PIK3CB: variants seen among roughly 807,000 people sequenced by gnomAD.
PIK3CB encodes phosphatidylinositol-4,5-bisphosphate 3-kinase catalytic subunit beta, also known as phosphatidylinositol 4,5-bisphosphate 3-kinase catalytic subunit beta isoform.
In PIK3CB, 39 loss-of-function variants were observed where a neutral mutation model predicts 136.8. The observed-to-expected ratio is 0.29, with a 90% CI of 0.22 to 0.37. PIK3CB has a LOEUF of 0.37. Ranked by LOEUF, PIK3CB falls within the 10% of genes least tolerant of loss-of-function variation. The pLI, the probability that PIK3CB is intolerant of heterozygous loss-of-function variation, is 1.00. For synonymous variants in PIK3CB, 428 were observed against 436.6 expected (o/e 0.98, Z 0.25); for missense variants, 868 against 1,275.4 (o/e 0.68, Z 4.87).
rs1934034603 is a variant in PIK3CB at position 138,831,438 on chromosome 3, TA to T, written c.-122+3256del. ...AGAAACCCCTAAAAATACAAAAAAT[TA>T]GCTGGGCGTGGTGGCGGGTGCCTGT... On this transcript the variant is annotated intron_variant, in intron 1 of 23. Coordinates refer to ENST00000674063, the MANE Select transcript of PIK3CB (RefSeq NM_006219.3). Among the ~76,000 whole-genome samples the T allele has an allele frequency of 3.4e-5, 5 of 148,074 alleles. No individual in the cohort carries two copies. The South Asian group carries it at 1.1e-3, about 32-fold the overall frequency.
Position 138,737,898 on chromosome 3 carries a change from G to C in PIK3CB, c.622-12C>G. The C allele has an allele frequency of 6.5e-7, 1 of 1,539,054 alleles. No individual in the cohort carries two copies. The highest frequency in any genetic ancestry group is 8.8e-7 in the Non-Finnish European group (1 of 1,133,180). ...AAGCTAAACACGTCCTGAAGGGGGA[G>C]GGAGATGGGGAAAAAAGCAGTAAAT... is the stretch of plus-strand genomic sequence containing the variant. On this transcript the variant is annotated splice_polypyrimidine_tract_variant and intron_variant, in intron 5 of 23. Transcript: ENST00000674063.
In PIK3CB at chr3:138,732,720, GA is replaced by G. The variant is rs68137286; in HGVS notation, c.1050+640del. Among the ~76,000 whole-genome samples the G allele has an allele frequency of 8.9e-3, 972 of 109,278 alleles. 7 individuals are homozygous for G. Among genetic ancestry groups the G allele is most frequent in the African/African-American group, 0.015 (424 of 28,886 alleles). 71.7% of individuals were successfully genotyped at this position (109,278 alleles called of 152,430 possible). A position where few individuals can be genotyped will look rare whatever the true frequency, so the allele number is the denominator to read the frequency against. Reference sequence around the variant, plus strand: ...GTGCTCAGTTTAAAAGGAAAGAAAAGAAAAAAAAAAAAAAAAAAGACTGAAA... The same window carrying G: ...GTGCTCAGTTTAAAAGGAAAGAAAAGAAAAAAAAAAAAAAAAAGACTGAAA... On this transcript the variant is annotated intron_variant, in intron 8 of 23. Transcript: ENST00000674063.
At chr3:138,750,036 C>T (rs2045437956) in intron 4 of PIK3CB, among the ~76,000 whole-genome samples, 1 of 152,072 alleles carries the variant, frequency 6.6e-6, no homozygotes. Context: ...CACCACCATG[C>T]CTGAGTAATT....
chr3:138,691,726 G>T (rs1252829019), intron 14 of PIK3CB, among the ~76,000 whole-genome samples: 1 of 152,088 alleles, frequency 6.6e-6, no homozygotes, highest in Non-Finnish European at 1.5e-5. Context: ...CCAGTCTCAG[G>T]TAATTCTTTA....
In PIK3CB at chr3:138,792,105, G is replaced by T. The variant is rs1238796153; in HGVS notation, c.-17+4358C>A. 5.9e-5 allele frequency among the ~76,000 whole-genome samples: 9 copies of T among 152,260 alleles called. No individual in the cohort carries two copies. In the South Asian group the frequency reaches 1.9e-3, roughly 32 times the overall value. ...AGCTACTCTGAAGGCTGAGGCAGGA[G>T]AATCGCTTGAACCAGGGAAGTGGAA... On this transcript the variant is annotated intron_variant, in intron 2 of 23. Transcript: ENST00000674063.
At chr3:138,778,635 G>C (rs967945253) in intron 2 of PIK3CB, 1 of 203,060 alleles carries the variant, frequency 4.9e-6, no homozygotes, top group Non-Finnish European at 1.0e-5. Context: ...AAGGCATCCT[G>C]GGCTACTCTG....
At chr3:138,656,425 G>A (rs189875414) in intron 22 of PIK3CB, 151 bp from the exon 23 acceptor site, 419 of 758,680 alleles carry the variant, frequency 5.5e-4, no homozygotes, top group Admixed American at 9.2e-4. Flanking sequence ...TTACTTCTGC[G>A]AAAATTGTCC....
chr3:138,826,286 G>A (rs1172945695), intron 1 of PIK3CB: 10 of 1,596,598 alleles, frequency 6.3e-6, no homozygotes, highest in Non-Finnish European at 7.6e-6. Context: ...GCTGGAGCTG[G>A]CAAGGTCACC....
At chr3:138,718,904 T>C (rs142471179) in intron 8 of PIK3CB, among the ~76,000 whole-genome samples, 1 of 152,350 alleles carries the variant, frequency 6.6e-6, no homozygotes, top group East Asian at 1.9e-4. Context: ...TTGGTCTATA[T>C]GCCTATTTTT....
At chr3:138,773,199 A>C (rs747882503) in intron 2 of PIK3CB, among the ~76,000 whole-genome samples, 1 of 152,006 alleles carries the variant, frequency 6.6e-6, no homozygotes, top group African/African-American at 2.4e-5. Flanking sequence ...TCAGGAGTTC[A>C]AGACCAGCCT....
At chr3:138,769,040 G>A (rs570733025) in intron 2 of PIK3CB, among the ~76,000 whole-genome samples, 6 of 152,176 alleles carry the variant, frequency 3.9e-5, no homozygotes, top group African/African-American at 4.8e-5. Context: ...CAGGAGGCCC[G>A]GGTCTGCACC....
intron 8 of PIK3CB, among the ~76,000 whole-genome samples, chr3:138,728,717 T>C (rs2108626108): frequency 6.6e-6 from 1 of 151,620 alleles, no homozygotes; most frequent in African/African-American, 2.4e-5. Context: ...GAGGGGGAGC[T>C]TGCAGTGAGC....
chr3:138,727,616 G>A (rs2044868581), intron 8 of PIK3CB, among the ~76,000 whole-genome samples: 1 of 152,200 alleles, frequency 6.6e-6, no homozygotes, highest in African/African-American at 2.4e-5. Context: ...TCAAAAAGGA[G>A]TGCAGCCAAA....
In PIK3CB at chr3:138,747,091, T is replaced by TAC. The variant is rs61360800; in HGVS notation, c.398-4311_398-4310insGT. Among the ~76,000 whole-genome samples the TAC allele has an allele frequency of 1.7e-3, 137 of 79,766 alleles. 2 individuals carry two copies. Among genetic ancestry groups the TAC allele is most frequent in the African/African-American group, 6.3e-3 (121 of 19,302 alleles). 52.3% of individuals were successfully genotyped at this position (79,766 alleles called of 152,430 possible). A position where few individuals can be genotyped will look rare whatever the true frequency, so the allele number is the denominator to read the frequency against. On this transcript the variant is annotated intron_variant, in intron 4 of 23. Coordinates refer to ENST00000674063, the MANE Select transcript of PIK3CB (RefSeq NM_006219.3). ...ATATATATATATATATATATATATA[T>TAC]ATATATATATATATATATATATGGC...
rs75935971 is a variant in PIK3CB at position 138,737,142 on chromosome 3, A to C, written c.801+565T>G. On this transcript the variant is annotated intron_variant, in intron 6 of 23. Coordinates refer to ENST00000674063, the MANE Select transcript of PIK3CB (RefSeq NM_006219.3). ...AGTGGCTTATGGCTGTAATCTCAGC[A>C]CTTGGAAAGGCCAAGCAAGTTGGGC... Among the ~76,000 whole-genome samples, 1,304 of 152,186 alleles carry C rather than the reference A, an allele frequency of 8.6e-3. 27 individuals are homozygous for C. The highest frequency in any genetic ancestry group is 0.028 in the African/African-American group (1,181 of 41,528).
intron 2 of PIK3CB, among the ~76,000 whole-genome samples, chr3:138,787,278 A>C (rs529846804): frequency 2.6e-5 from 4 of 151,332 alleles, no homozygotes; most frequent in African/African-American, 9.7e-5. Context: ...AGGCAGGAGA[A>C]TTGCTTGAAC....
intron 4 of PIK3CB, among the ~76,000 whole-genome samples, chr3:138,753,386 T>G (rs1294026800): frequency 6.6e-6 from 1 of 151,902 alleles, no homozygotes; most frequent in Non-Finnish European, 1.5e-5. Flanking sequence ...CTGGGCATGG[T>G]GGCAGGTGCC....
At chr3:138,814,963 C>T (rs1297323153) in intron 1 of PIK3CB, among the ~76,000 whole-genome samples, 1 of 151,664 alleles carries the variant, frequency 6.6e-6, no homozygotes, top group Non-Finnish European at 1.5e-5. Flanking sequence ...CGGTGAAACC[C>T]CGTCTCTACT....
chr3:138,732,895 G>C (rs1158714646), intron 8 of PIK3CB, among the ~76,000 whole-genome samples: 4 of 151,440 alleles, frequency 2.6e-5, no homozygotes, highest in Admixed American at 2.6e-4. Flanking sequence ...TTTTGAGTAA[G>C]GAGTGGTAAG....
Sources: gnomAD v4.1 joint callset for allele counts (sites outside exome capture counted in the v4.1 genomes callset) on GRCh38, gnomAD v4.1.1 for gene constraint, MANE v1.5 for transcripts, NCBI Gene and HGNC (gene_info 2026-07-23, HGNC 2026-07-21) for gene names.